Variants in STMN3 observed in about 807,000 individuals in gnomAD.
The protein encoded by STMN3 is stathmin-3.
A neutral mutation model predicts 23.2 loss-of-function variants in STMN3; 24 were observed. That is an observed-to-expected ratio of 1.03 (90% CI 0.75 to 1.45). The LOEUF is 1.45. Among genes scored for constraint, STMN3 ranks in the 40% most tolerant of loss-of-function variants. The probability of loss-of-function intolerance (pLI) is 0.00; values close to 1 mark genes in which losing one functional copy is unlikely to be tolerated. For missense variants in STMN3, 235 were observed against 237.6 expected (o/e 0.99, Z 0.07); for synonymous variants, 117 against 103.4 (o/e 1.13, Z -0.80).
Position 63,652,622 on chromosome 20 carries a change from C to G in STMN3, c.19+705G>C. 1 of 985,446 alleles carries G rather than the reference C, an allele frequency of 1.0e-6. No homozygotes were observed. Among genetic ancestry groups the G allele is most frequent in the Non-Finnish European group, 1.2e-6 (1 of 829,952 alleles). 61.0% of individuals were successfully genotyped at this position (985,446 alleles called of 1,614,324 possible). ...GCGGGAGGTGGAGGGGCGGGAGGGGCGGAGCCCTCTGGTCTCCGGAGGGTT... is the reference window on the plus strand; with the variant it reads ...GCGGGAGGTGGAGGGGCGGGAGGGGGGGAGCCCTCTGGTCTCCGGAGGGTT... On this transcript the variant is annotated intron_variant, in intron 1 of 4. Transcript: ENST00000370053. The surrounding 1 kb of genome is among the most constrained non-coding windows in gnomAD (Gnocchi z 5.3).
chr20:63,643,478 A>C (rs998524624), intron 3 of STMN3, among the ~76,000 whole-genome samples: 1 of 152,078 alleles, frequency 6.6e-6, no homozygotes, highest in Non-Finnish European at 1.5e-5. Flanking sequence ...ATGGGGTTTC[A>C]CCATGTTGGC....
At chr20:63,651,520 G>A (rs2146123782) in intron 1 of STMN3, among the ~76,000 whole-genome samples, 1 of 152,290 alleles carries the variant, frequency 6.6e-6, no homozygotes, top group Non-Finnish European at 1.5e-5. Context: ...TGCTTCTCAT[G>A]GTGCCAGGAG....
chr20:63,651,793 G>C (rs1319029062), intron 1 of STMN3, among the ~76,000 whole-genome samples: 2 of 152,228 alleles, frequency 1.3e-5, no homozygotes, highest in Non-Finnish European at 2.9e-5. Flanking sequence ...GAGGAGGTCA[G>C]ACTCTGGGTT....
intron 1 of STMN3, among the ~76,000 whole-genome samples, chr20:63,646,234 A>G (rs1382481120): frequency 6.6e-6 from 1 of 151,998 alleles, no homozygotes; most frequent in Non-Finnish European, 1.5e-5. Context: ...GGGGGAAGGA[A>G]TGAGACTTTG....
chr20:63,647,871 C>CGT lies in STMN3; in HGVS notation c.20-3564_20-3563dup, dbSNP rs1417224757. 7.8e-4 allele frequency among the ~76,000 whole-genome samples: 86 copies of CGT among 110,944 alleles called. 2 individuals are homozygous for CGT. Among genetic ancestry groups the CGT allele is most frequent in the Middle Eastern group, 4.4e-3 (1 of 228 alleles). The allele number at this position is 110,944 out of a possible 152,430, so 72.8% of individuals were successfully genotyped here. On this transcript the variant is annotated intron_variant, in intron 1 of 4. Transcript: ENST00000370053. ...ATTAATATATATACGTATATATACA[C>CGT]GTGTATATATTAATATATATACGTA...
chr20:63,642,240 C>T lies in STMN3; in HGVS notation c.351G>A (p.Val117=). ...LAERREHERE[V]LHKALEENNN... ...TATTCTCCTCCAGCGCCTTGTGCAGCACCTCGCGCTCGTGCTCGCGCCGCT... is the reference window on the plus strand; with the variant it reads ...TATTCTCCTCCAGCGCCTTGTGCAGTACCTCGCGCTCGTGCTCGCGCCGCT... Residue 117 remains valine, a synonymous_variant, in exon 4 of 5, where the codon GTG becomes GTA. Transcript: ENST00000370053. 2 of 1,553,366 alleles carry T rather than the reference C, an allele frequency of 1.3e-6. No homozygotes were observed. Among genetic ancestry groups the T allele is most frequent in the South Asian group, 2.3e-5 (2 of 85,566 alleles).
chr20:63,644,363 C>T, intron 1 of STMN3, 54 bp from the exon 2 acceptor site: 2 of 1,363,400 alleles, frequency 1.5e-6, no homozygotes, highest in African/African-American at 1.4e-5. Context: ...CCCACCTGGG[C>T]CCCCGTTTTC....
rs1045393261 is a variant in STMN3, at chr20:63,652,751, G to C, written c.19+576C>G. 7 of 986,042 alleles carry C rather than the reference G, an allele frequency of 7.1e-6. No individual in the cohort carries two copies. In the Admixed American group the frequency reaches 2.5e-4, roughly 35 times the overall value. The allele number at this position is 986,042 out of a possible 1,614,324, so 61.1% of individuals were successfully genotyped here. On this transcript the variant is annotated intron_variant, in intron 1 of 4. Coordinates refer to ENST00000370053, the MANE Select transcript of STMN3 (RefSeq NM_015894.4). This position sits in a 1 kb window ranked among gnomAD's most constrained non-coding sequence, Gnocchi z 5.3. ...GCGGGCGTCGCAAAGGGTGGTCCCC[G>C]AGGCCGCAGCGGTGTGGGGGGAGGG...
chr20:63,644,357 C>T, intron 1 of STMN3, 48 bp from the exon 2 acceptor site: 1 of 1,467,164 alleles, frequency 6.8e-7, no homozygotes. Flanking sequence ...GGCCTGCCCA[C>T]CTGGGCCCCC....
rs1555897526 is a variant in STMN3, at chr20:63,647,936, ATG to A, written c.20-3629_20-3628del. 1.1e-4 allele frequency among the ~76,000 whole-genome samples: 9 copies of A among 80,836 alleles called. 1 individual carries two copies. The highest frequency in any genetic ancestry group is 4.5e-4 in the Admixed American group (3 of 6,624). The allele number at this position is 80,836 out of a possible 152,430, so 53.0% of individuals were successfully genotyped here. A position where few individuals can be genotyped will look rare whatever the true frequency, so the allele number is the denominator to read the frequency against. ...TATATATTAATATATATACGTATAT[ATG>A]TGTGTGTGTGTATATATATATGTAT... On this transcript the variant is annotated intron_variant, in intron 1 of 4. Transcript: ENST00000370053.
intron 1 of STMN3, among the ~76,000 whole-genome samples, 175 bp downstream of exon 1, chr20:63,653,152 C>G (rs1290481538): frequency 6.6e-6 from 1 of 151,444 alleles, no homozygotes; most frequent in South Asian, 2.1e-4. Context: ...CAGCGCCCCA[C>G]CAGCCCCGCC....
At position 63,653,240 on chromosome 20, in the gene STMN3, C is replaced by G. The variant is rs545294776; in HGVS notation, c.19+87G>C. 28 of 1,486,606 alleles carry G rather than the reference C, an allele frequency of 1.9e-5. No homozygotes were observed. The African/African-American group carries it at 3.8e-4, about 20-fold the overall frequency. 92.1% of individuals were successfully genotyped at this position (1,486,606 alleles called of 1,614,324 possible). On this transcript the variant is annotated intron_variant, in intron 1 of 4. Transcript: ENST00000370053. ...GGGTAGGAGAAGGGAAATTGGCGTC[C>G]GCTGCCGGCCGCTGCCCCAGGCGAG...
rs1319456499 is a variant in STMN3 at position 63,643,857 on chromosome 20, G to A, written c.190C>T (p.Leu64=). The A allele has an allele frequency of 1.9e-6, 3 of 1,586,642 alleles. No homozygotes were observed. The highest frequency in any genetic ancestry group is 1.4e-5 in the African/African-American group (1 of 72,908). The stretch of plus-strand genomic sequence containing the variant: ...GAGAGCATAGGGCTCTCTGGGGACA[G>A]GTCAGAAGGGGACTTGAGGATGACC... ...FEVILKSPSD[L]SPESPMLSSP... The change falls in exon 3 of 5, where the codon CTG becomes TTG. Residue 64 remains leucine (L), a synonymous_variant. Transcript: ENST00000370053.
intron 4 of STMN3, 85 bp from the exon 5 acceptor site, chr20:63,641,482 C>G: frequency 2.6e-6 from 3 of 1,156,506 alleles, no homozygotes; most frequent in Non-Finnish European, 2.5e-6. Context: ...GCCGTGGCGC[C>G]CTGGCACCCG....
Position 63,652,766 on chromosome 20 carries a change from TG to T in STMN3, c.19+560del. On this transcript the variant is annotated intron_variant, in intron 1 of 4. Coordinates refer to ENST00000370053, the MANE Select transcript of STMN3 (RefSeq NM_015894.4). This position sits in a 1 kb window ranked among gnomAD's most constrained non-coding sequence, Gnocchi z 5.3. ...GGTGGTCCCCGAGGCCGCAGCGGTG[TG>T]GGGGGAGGGCGCGGTCCCCCTCACT... The T allele has an allele frequency of 3.0e-6, 3 of 985,922 alleles. No homozygotes were observed. Among genetic ancestry groups the T allele is most frequent in the Non-Finnish European group, 2.4e-6 (2 of 830,506 alleles). The allele number at this position is 985,922 out of a possible 1,614,324, so 61.1% of individuals were successfully genotyped here.
At chr20:63,647,700 ATATATATACACGTGTATATATAT>A (rs2089821567) in intron 1 of STMN3, among the ~76,000 whole-genome samples, 1 of 132,618 alleles carries the variant, frequency 7.5e-6, no homozygotes, top group Non-Finnish European at 1.6e-5. Flanking sequence ...TATATATATA[ATATATATACACGTGTATATATAT>A]TATATACATA....
At chr20:63,650,814 G>A (rs11905406) in intron 1 of STMN3, among the ~76,000 whole-genome samples, 1 of 66,836 alleles carries the variant, frequency 1.5e-5, no homozygotes, top group Non-Finnish European at 2.9e-5. Flanking sequence ...CACACCTCAC[G>A]CCCACCCCTC....
intron 1 of STMN3, among the ~76,000 whole-genome samples, chr20:63,649,688 G>A (rs1208793640): frequency 1.3e-5 from 2 of 151,876 alleles, no homozygotes; most frequent in African/African-American, 4.8e-5. Context: ...CCGCCACCAC[G>A]CCCAGCTAAT....
chr20:63,640,121 C>A lies in STMN3; in HGVS notation c.*1217G>T, dbSNP rs1358013263. 3 of 152,844 alleles carry A rather than the reference C, an allele frequency of 2.0e-5. No homozygotes were observed. The South Asian group carries it at 6.2e-4, about 32-fold the overall frequency. 9.5% of individuals were successfully genotyped at this position (152,844 alleles called of 1,614,324 possible). A position where few individuals can be genotyped will look rare whatever the true frequency, so the allele number is the denominator to read the frequency against. ...GGTCCTAAGAGAACTCAGCCGCCCC[C>A]TTCACACTTTACAGCAAGGGGCCAG... On this transcript the variant is annotated 3_prime_UTR_variant, in exon 5 of 5. Coordinates refer to ENST00000370053, the MANE Select transcript of STMN3 (RefSeq NM_015894.4).
Sources: allele counts gnomAD v4.1 joint callset (sites outside exome capture counted in the v4.1 genomes callset), GRCh38; gene constraint gnomAD v4.1.1; non-coding constraint Gnocchi (gnomAD v3.1); transcripts MANE v1.5; gene names NCBI Gene and HGNC (gene_info 2026-07-23, HGNC 2026-07-21).